ANKDD1A: variants seen among roughly 807,000 people sequenced by gnomAD.
ANKDD1A encodes ankyrin repeat and death domain containing 1A.
ANKDD1A carries 59 observed loss-of-function variants against 63.5 expected under a neutral mutation model. The observed-to-expected ratio is 0.93, with a 90% confidence interval of 0.75 to 1.15. The LOEUF is 1.15. Ranked by LOEUF, ANKDD1A falls within the 50% of genes most tolerant of loss-of-function variation. The pLI is 0.00. For synonymous variants in ANKDD1A, 266 were observed against 263.9 expected, an observed-to-expected ratio of 1.01 and a Z score of -0.08; for missense variants, 632 against 656.4, an observed-to-expected ratio of 0.96 and a Z score of 0.41.
intron 14 of ANKDD1A, chr15:64,950,678 T>C: frequency 1.0e-6 from 1 of 983,222 alleles, no homozygotes; most frequent in Non-Finnish European, 1.2e-6. Context: ...ATTTCTAGTA[T>C]ATTGCTGAGG....
At chr15:64,939,521 A>G (rs1028996109) in intron 9 of ANKDD1A, among the ~76,000 whole-genome samples, 4 of 152,204 alleles carry the variant, frequency 2.6e-5, no homozygotes, top group East Asian at 1.9e-4. Flanking sequence ...AGGCTGAGGC[A>G]GGAAGATCAT....
chr15:64,930,629 A>G (rs1259975610), intron 6 of ANKDD1A, among the ~76,000 whole-genome samples, 193 bp from the exon 7 acceptor site: 41 of 152,214 alleles, frequency 2.7e-4, no homozygotes, highest in Admixed American at 2.5e-3. Context: ...TTTTTAAGCA[A>G]TGTGCCTGCC....
chr15:64,954,731 CTT>C (rs758619995), intron 14 of ANKDD1A, among the ~76,000 whole-genome samples: 1 of 63,096 alleles, frequency 1.6e-5, no homozygotes, highest in Admixed American at 2.4e-4. Context: ...CCTCCTCCTT[CTT>C]CTTCCTTCTC....
rs145810750 is a variant in ANKDD1A at position 64,931,520 on chromosome 15, G to A, written c.703G>A (p.Gly235Arg). The A allele has an allele frequency of 2.4e-4, 391 of 1,613,942 alleles. 1 individual carries two copies. The highest frequency in any genetic ancestry group is 6.8e-4 in the Admixed American group (41 of 60,002). The change falls in exon 8 of 15, where the codon GGA (glycine) becomes AGA (arginine). Residue 235 changes from glycine to arginine, a missense_variant. By Grantham distance (125) the Gly-to-Arg change is moderately radical. Coordinates refer to ENST00000319580, the MANE Select transcript of ANKDD1A (RefSeq NM_182703.6). The part of the protein sequence containing the change: ...GLTALHSAAG[G>R]SHPDCVQLLL... ...GACTGCCCTGCATTCGGCTGCTGGA[G>A]GATCCCACCCTGACTGTGTGCAGCT...
chr15:64,925,207 G>C (rs141418628), intron 4 of ANKDD1A, among the ~76,000 whole-genome samples: 1,286 of 122,534 alleles, frequency 0.01, 23 homozygotes, highest in African/African-American at 0.039. Context: ...TAGCCTGGGA[G>C]ACAGAGTGAG....
chr15:64,947,060 A>G (rs1042187022), intron 12 of ANKDD1A, among the ~76,000 whole-genome samples: 2 of 152,162 alleles, frequency 1.3e-5, no homozygotes, highest in Non-Finnish European at 2.9e-5. Context: ...CCCATGCTAT[A>G]AGAACACAGG....
chr15:64,932,178 GAT>G (rs34542097), intron 8 of ANKDD1A: 46,457 of 152,526 alleles, frequency 0.3, 8,137 homozygotes, highest in East Asian at 0.69. Flanking sequence ...TTATAGGCGG[GAT>G]AGCCATTGCA....
At chr15:64,957,003 A>C in intron 14 of ANKDD1A, 100 bp from the exon 15 acceptor site, 1 of 420,044 alleles carries the variant, frequency 2.4e-6, no homozygotes, top group South Asian at 1.7e-5. Flanking sequence ...ATATGTTGCG[A>C]GCTAAATGTA....
At chr15:64,952,210 TTTC>T (rs201471352) in intron 14 of ANKDD1A, among the ~76,000 whole-genome samples, 2,662 of 150,270 alleles carry the variant, frequency 0.018, 79 homozygotes, top group African/African-American at 0.06. Flanking sequence ...TTCTTTCCTC[TTTC>T]TTCTTCTTCC....
intron 14 of ANKDD1A, chr15:64,950,988 T>C: frequency 4.7e-6 from 6 of 1,272,234 alleles, no homozygotes; most frequent in Non-Finnish European, 6.1e-6. Flanking sequence ...CAGCCCCGAG[T>C]GCCCCCAGGA....
At chr15:64,954,467 TTCTTCC>T (rs1333789419) in intron 14 of ANKDD1A, among the ~76,000 whole-genome samples, 6 of 70,428 alleles carry the variant, frequency 8.5e-5, no homozygotes, top group African/African-American at 2.2e-4. Context: ...CCTCTTCTCC[TTCTTCC>T]TCTTTTTCTT....
At chr15:64,920,954 T>C (rs1304456071) in intron 3 of ANKDD1A, among the ~76,000 whole-genome samples, 1 of 152,142 alleles carries the variant, frequency 6.6e-6, no homozygotes, top group Non-Finnish European at 1.5e-5. Context: ...TTCATGAAGC[T>C]ACATTTGTTT....
At chr15:64,947,635 G>T in intron 13 of ANKDD1A, 42 bp downstream of exon 13, 1 of 1,593,802 alleles carries the variant, frequency 6.3e-7, no homozygotes, top group African/African-American at 1.3e-5. Context: ...CCATTGGGCG[G>T]AGGGGTGGGA....
chr15:64,947,592 A>T lies in ANKDD1A; in HGVS notation c.1350A>T (p.Thr450=). The T allele has an allele frequency of 6.2e-7, 1 of 1,613,692 alleles. No homozygotes were observed. The highest frequency in any genetic ancestry group is 8.5e-7 in the Non-Finnish European group (1 of 1,179,850). Residue 450 remains threonine (T), a splice_region_variant and synonymous_variant, in exon 13 of 15, where the codon ACA becomes ACT. Transcript: ENST00000319580. ...AHVDAIEQQW[T]GTRSYQEHGH... ...TCGACGCCATCGAGCAACAGTGGAC[A>T]GGTACCACCTTGCCTCTCCTCGCCC...
intron 10 of ANKDD1A, chr15:64,943,145 T>C (rs2085197308): frequency 3.7e-6 from 1 of 272,490 alleles, no homozygotes; most frequent in African/African-American, 2.2e-5. Context: ...TGCAGTATTA[T>C]TTATCAGTCT....
At chr15:64,915,771 T>C (rs1243362214) in intron 1 of ANKDD1A, 26 bp from the exon 2 acceptor site, 4 of 1,604,360 alleles carry the variant, frequency 2.5e-6, no homozygotes, top group Non-Finnish European at 3.4e-6. Context: ...CTCCCCCTCA[T>C]CCTGCACCCC....
chr15:64,947,660 TCA>T (rs2085234778), intron 13 of ANKDD1A, 67 bp downstream of exon 13: 5 of 1,543,732 alleles, frequency 3.2e-6, no homozygotes, highest in Middle Eastern at 2.3e-4. Flanking sequence ...TGAAATGTGT[TCA>T]GTTTTCTGTG....
chr15:64,935,585 G>A (rs1177999676), intron 9 of ANKDD1A, among the ~76,000 whole-genome samples: 1 of 151,972 alleles, frequency 6.6e-6, no homozygotes, highest in Non-Finnish European at 1.5e-5. Flanking sequence ...TGAGGCAGGA[G>A]AATGGCATGA....
At chr15:64,937,767 G>C (rs1360690002) in intron 9 of ANKDD1A, among the ~76,000 whole-genome samples, 1 of 151,910 alleles carries the variant, frequency 6.6e-6, no homozygotes, top group Admixed American at 6.6e-5. Context: ...TAAGAATGAG[G>C]ACAGTTTTCA....
Sources: allele counts gnomAD v4.1 joint callset (sites outside exome capture counted in the v4.1 genomes callset), GRCh38; gene constraint gnomAD v4.1.1; transcripts MANE v1.5; gene names NCBI Gene and HGNC (gene_info 2026-07-23, HGNC 2026-07-21).